The following FAT2 variants were observed in gnomAD, a reference collection of about 807,000 sequenced individuals.
FAT2 encodes FAT atypical cadherin 2.
A neutral mutation model predicts 295.3 loss-of-function variants in FAT2; 150 were observed. The ratio of observed to expected loss-of-function variants is 0.51; its 90% confidence interval spans 0.44 to 0.58. The LOEUF (loss-of-function observed/expected upper bound fraction) is 0.58. Ranked by LOEUF, FAT2 falls within the 20% of genes least tolerant of loss-of-function variation. The pLI is 0.00. For missense variants in FAT2, 4,868 were observed against 5,442.7 expected (o/e 0.89, Z 3.32); for synonymous variants, 2,026 against 2,150.3 (o/e 0.94, Z 1.60).
chr5:151,512,425 C>T lies in FAT2; in HGVS notation c.11645G>A (p.Cys3882Tyr). The T allele has an allele frequency of 6.2e-7, 1 of 1,614,254 alleles. No individual in the cohort carries two copies. The highest frequency in any genetic ancestry group is 8.5e-7 in the Non-Finnish European group (1 of 1,180,052). The stretch of plus-strand genomic sequence containing the variant: ...GTGCCTTTCGGGCCTCAGACCACGG[C>T]AGTTCTCTGGGACCACAAGGGAGGT... ...GNTSLVVPEN[C>Y]RGLRPERHLL... Residue 3882 changes from cysteine (C) to tyrosine (Y), a missense_variant, in exon 21 of 24, where the codon TGC becomes TAC. Coordinates refer to ENST00000261800, the MANE Select transcript of FAT2 (RefSeq NM_001447.3). The surrounding 1 kb of genome is among the most constrained non-coding windows in gnomAD (Gnocchi z 4.1).
chr5:151,565,647 A>ACGGCCCCCCCCCCC, intron 2 of FAT2, 26 bp downstream of exon 2: 1 of 1,461,028 alleles, frequency 6.8e-7, no homozygotes. Context: ...TGGCCCTGGC[A>ACGGCCCCCCCCCCC]CCCCACCCTA....
At position 151,544,857 on chromosome 5, in the gene FAT2, A is replaced by T; in HGVS notation, c.6270T>A (p.Phe2090Leu). 2 of 1,614,190 alleles carry T rather than the reference A, an allele frequency of 1.2e-6. No homozygotes were observed. Among genetic ancestry groups the T allele is most frequent in the East Asian group, 4.5e-5 (2 of 44,884 alleles). The change falls in exon 10 of 24, where the codon TTT (phenylalanine) becomes TTA (leucine). Residue 2090 changes from phenylalanine (F) to leucine (L), a missense_variant. Phe to Leu is a conservative substitution (Grantham distance 22). Transcript: ENST00000261800. ...AGTCCTCATCAGTGGCAGATACCTGAAAGAGGACATCCCCTGGCTCTGTGC... is the reference window on the plus strand; with the variant it reads ...AGTCCTCATCAGTGGCAGATACCTGTAAGAGGACATCCCCTGGCTCTGTGC... ...QDGTEPGDVLFQVSATDEDLG... is the reference protein window; with the variant it reads ...QDGTEPGDVLLQVSATDEDLG...
Position 151,553,325 on chromosome 5 carries a change from C to A in FAT2, c.4008G>T (p.Trp1336Cys), listed in dbSNP as rs2127627624. Residue 1336 changes from tryptophan to cysteine, a missense_variant, in exon 6 of 24, where the codon TGG (tryptophan) becomes TGT (cysteine). Physicochemically the swap from Trp to Cys is radical, Grantham distance 215. This residue lies in a region of FAT2 where 3,297 missense variants were observed against 3,669.4 expected (regional missense o/e 0.90). Transcript: ENST00000261800. The part of the protein sequence containing the change: ...LSASVRLHIE[W>C]IPWPRPSSIP... The stretch of plus-strand genomic sequence containing the variant: ...TGGAGGACGGCCGGGGCCAAGGGAT[C>A]CACTCAATGTGTAGCCGGACACTGG... The A allele has an allele frequency of 6.2e-7, 1 of 1,614,256 alleles. No individual in the cohort carries two copies. Among genetic ancestry groups the A allele is most frequent in the Non-Finnish European group, 8.5e-7 (1 of 1,180,052 alleles).
intron 12 of FAT2, among the ~76,000 whole-genome samples, chr5:151,535,728 G>C (rs73272086): frequency 5.9e-4 from 90 of 152,316 alleles, no homozygotes; most frequent in African/African-American, 2.0e-3. Flanking sequence ...CTTGCAACTG[G>C]TGTCTGGGTA....
In FAT2 at chr5:151,529,285, CTG is replaced by C; in HGVS notation, c.9917_9918del (p.Thr3306SerfsTer7). 6.2e-7 allele frequency: 1 copy of C among 1,614,038 alleles called. No homozygotes were observed. Among genetic ancestry groups the C allele is most frequent in the Non-Finnish European group, 8.5e-7 (1 of 1,179,916 alleles). ...TTGACATCAGTGATGTTGACCATGACTGTGGTCACGTCACTGAGGGAAGAGGA... is the reference window on the plus strand; with the variant it reads ...TTGACATCAGTGATGTTGACCATGACTGGTCACGTCACTGAGGGAAGAGGA... ...KSSSSLSDVT[T>X]VMVNITDVNE... On this transcript the variant is annotated frameshift_variant, in exon 15 of 24. Transcript: ENST00000261800. LOFTEE classifies it high-confidence loss of function.
At chr5:151,534,296 C>T (rs1263915538) in intron 13 of FAT2, 113 bp downstream of exon 13, 6 of 736,530 alleles carry the variant, frequency 8.1e-6, no homozygotes, top group Non-Finnish European at 4.4e-6. Flanking sequence ...TCCCCAGACT[C>T]AACAAGGAGG....
At chr5:151,587,874 G>A (rs1242865362) in intron 1 of FAT2, among the ~76,000 whole-genome samples, 2 of 152,212 alleles carry the variant, frequency 1.3e-5, no homozygotes, top group Non-Finnish European at 2.9e-5. Context: ...GTTGTGCAGA[G>A]TAGAAGAGAA....
In FAT2 at chr5:151,568,616, G is replaced by T; in HGVS notation, c.316C>A (p.Leu106Ile). 6.2e-7 allele frequency: 1 copy of T among 1,614,194 alleles called. No individual in the cohort carries two copies. The highest frequency in any genetic ancestry group is 1.1e-5 in the South Asian group (1 of 91,078). ...CTGTCTCGCACCTCTCTGTTCAGAA[G>T]AGCTGTGTTGCTGCTCTTTGTCCTT... Reference protein sequence around the residue: ...RIRTKSSNTALLNREVRDSYT... With the variant: ...RIRTKSSNTAILNREVRDSYT... Residue 106 changes from leucine to isoleucine, a missense_variant, in exon 2 of 24, where the codon CTT (leucine) becomes ATT (isoleucine). This residue lies in a region of FAT2 where 3,297 missense variants were observed against 3,669.4 expected (regional missense o/e 0.90). Coordinates refer to ENST00000261800, the MANE Select transcript of FAT2 (RefSeq NM_001447.3).
At chr5:151,521,222 A>C in intron 19 of FAT2, 54 bp downstream of exon 19, 1 of 1,522,346 alleles carries the variant, frequency 6.6e-7, no homozygotes, top group South Asian at 1.3e-5. Flanking sequence ...GCTTAGAGTC[A>C]GGCGGGCTGA....
At chr5:151,574,196 T>G (rs931448209) in intron 1 of FAT2, among the ~76,000 whole-genome samples, 3 of 152,188 alleles carry the variant, frequency 2.0e-5, no homozygotes, top group Non-Finnish European at 2.9e-5. Context: ...GGCTGAGACC[T>G]AAAGTCACTC....
chr5:151,587,941 C>A (rs928032654), intron 1 of FAT2, among the ~76,000 whole-genome samples: 1 of 152,140 alleles, frequency 6.6e-6, no homozygotes, highest in South Asian at 2.1e-4. Context: ...TAAGTCATTG[C>A]GAATTCTCAC....
chr5:151,556,157 G>GT, intron 4 of FAT2, 187 bp downstream of exon 4: 1 of 608,844 alleles, frequency 1.6e-6, no homozygotes, highest in Non-Finnish European at 2.9e-6. Context: ...CACAGTTTCA[G>GT]ACTCCTTCCC....
chr5:151,568,675 T>A lies in FAT2; in HGVS notation c.257A>T (p.Glu86Val). The change falls in exon 2 of 24, where the codon GAG (glutamate) becomes GTG (valine). Residue 86 changes from glutamate to valine, a missense_variant. Transcript: ENST00000261800. ...GDVANVFKTEEYVVGNFCFLR... is the reference protein window; with the variant it reads ...GDVANVFKTEVYVVGNFCFLR... ...GAAGCAGAAGTTGCCCACCACATAC[T>A]CCTCAGTTTTAAATACATTGGCCAC... The A allele has an allele frequency of 6.2e-7, 1 of 1,614,128 alleles. No homozygotes were observed. Among genetic ancestry groups the A allele is most frequent in the Non-Finnish European group, 8.5e-7 (1 of 1,180,034 alleles).
Position 151,544,993 on chromosome 5 carries a change from T to C in FAT2, c.6134A>G (p.Asn2045Ser). The C allele has an allele frequency of 6.2e-7, 1 of 1,614,170 alleles. No individual in the cohort carries two copies. The highest frequency in any genetic ancestry group is 8.5e-7 in the Non-Finnish European group (1 of 1,180,020). ...CTGAGCCACCCGCTGAGGTGTCCGA[T>C]TGTCCCTCACTTCCACTGCCAACTC... Reference protein sequence around the residue: ...THELAVEVRDNRTPQRVAQGL... With the variant: ...THELAVEVRDSRTPQRVAQGL... The change falls in exon 10 of 24, where the codon AAT (asparagine) becomes AGT (serine). Residue 2045 changes from asparagine to serine, a missense_variant. Asn to Ser is a conservative substitution (Grantham distance 46). Coordinates refer to ENST00000261800, the MANE Select transcript of FAT2 (RefSeq NM_001447.3).
chr5:151,594,549 C>G (rs1450421901), upstream of FAT2, among the ~76,000 whole-genome samples: 3 of 152,202 alleles, frequency 2.0e-5, no homozygotes, highest in Non-Finnish European at 4.4e-5. Flanking sequence ...CTTTAACATC[C>G]ACCTCTAACA....
At chr5:151,585,144 C>G (rs992016448) in intron 1 of FAT2, among the ~76,000 whole-genome samples, 2 of 152,212 alleles carry the variant, frequency 1.3e-5, no homozygotes, top group African/African-American at 4.8e-5. Flanking sequence ...TAAATAGCCC[C>G]TAAAGAAGGA....
chr5:151,592,594 G>A (rs887055205), upstream of FAT2, among the ~76,000 whole-genome samples: 6 of 152,048 alleles, frequency 3.9e-5, no homozygotes, highest in African/African-American at 7.3e-5. Flanking sequence ...TCTTCCACCT[G>A]GTTAATAAAT....
intron 17 of FAT2, 105 bp from the exon 18 acceptor site, chr5:151,526,070 C>T (rs1362496489): frequency 9.2e-7 from 1 of 1,086,136 alleles, no homozygotes; most frequent in Admixed American, 2.0e-5. Context: ...AGCACTCTGA[C>T]TGCTTGTAGA....
chr5:151,557,549 A>G (rs1757806393), intron 3 of FAT2, among the ~76,000 whole-genome samples: 1 of 152,190 alleles, frequency 6.6e-6, no homozygotes, highest in South Asian at 2.1e-4. Flanking sequence ...CAACAAGAAG[A>G]GGGACTCCTG....
Sources: allele counts gnomAD v4.1 joint callset (sites outside exome capture counted in the v4.1 genomes callset), GRCh38; gene constraint gnomAD v4.1.1; regional missense constraint gnomAD v4.1.1; non-coding constraint Gnocchi (gnomAD v3.1); transcripts MANE v1.5; gene names NCBI Gene and HGNC (gene_info 2026-07-23, HGNC 2026-07-21).